The following VPS8 variants were observed in gnomAD, a reference collection of about 807,000 sequenced individuals.
VPS8 encodes the protein vacuolar protein sorting-associated protein 8 homolog.
In VPS8, 129 loss-of-function variants were observed where a neutral mutation model predicts 216.4. The ratio of observed to expected loss-of-function variants is 0.60; its 90% CI spans 0.52 to 0.69. The LOEUF is 0.69. VPS8 is among the 30% of genes least tolerant of loss of function. The pLI is 0.00. For missense variants in VPS8, 1,531 were observed against 1,683.5 expected (o/e 0.91, Z 1.59); for synonymous variants, 571 against 565.4 (o/e 1.01, Z -0.14).
intron 8 of VPS8, among the ~76,000 whole-genome samples, chr3:184,844,193 G>T (rs563862032): frequency 2.0e-5 from 3 of 152,164 alleles, no homozygotes; most frequent in Non-Finnish European, 2.9e-5. Context: ...TGGCCGAGGT[G>T]GGCAGATCAC....
Position 184,820,123 on chromosome 3 carries a change from A to G in VPS8, c.-88-4422A>G, listed in dbSNP as rs186324143. Among the ~76,000 whole-genome samples, 22 of 152,206 alleles carry G rather than the reference A, an allele frequency of 1.4e-4. No homozygotes were observed. In the South Asian group the frequency reaches 1.5e-3, roughly 10 times the overall value. ...AGGATCCACTGTCTATTCATTTCCT[A>G]TTGTTGCCGTAAATTACCGTAAAGT... On this transcript the variant is annotated intron_variant, in intron 1 of 47. Coordinates refer to ENST00000625842, the MANE Select transcript of VPS8 (RefSeq NM_001009921.3).
chr3:184,892,616 A>G (rs146360671), intron 22 of VPS8, among the ~76,000 whole-genome samples: 1 of 152,292 alleles, frequency 6.6e-6, no homozygotes, highest in East Asian at 1.9e-4. Context: ...AAAAAATTTT[A>G]TTTTAAGGTA....
chr3:184,817,952 G>A (rs1716693770), intron 1 of VPS8, among the ~76,000 whole-genome samples: 1 of 152,164 alleles, frequency 6.6e-6, no homozygotes, highest in African/African-American at 2.4e-5. Flanking sequence ...TGAATTCAGA[G>A]GATGGTTAGG....
chr3:184,985,182 T>C (rs1224730633), intron 42 of VPS8, among the ~76,000 whole-genome samples: 1 of 152,094 alleles, frequency 6.6e-6, no homozygotes, highest in East Asian at 1.9e-4. Flanking sequence ...CCCACAACAA[T>C]CCCTTGAGGT....
intron 8 of VPS8, among the ~76,000 whole-genome samples, chr3:184,846,106 G>C (rs1723074452): frequency 6.6e-6 from 1 of 152,194 alleles, no homozygotes; most frequent in Admixed American, 6.5e-5. Flanking sequence ...TACTGTAGTT[G>C]TAAGGCTTGT....
intron 37 of VPS8, 54 bp from the exon 38 acceptor site, chr3:184,964,414 C>A: frequency 8.6e-7 from 1 of 1,161,202 alleles, no homozygotes; most frequent in Non-Finnish European, 1.2e-6. Flanking sequence ...TGGGATCTTC[C>A]CACTCCACAA....
intron 36 of VPS8, chr3:184,944,462 C>G (rs1055946218): frequency 1.9e-5 from 19 of 980,512 alleles, no homozygotes; most frequent in Non-Finnish European, 2.2e-5. Context: ...TGAATTCTCA[C>G]AGGAGTTCTC....
Position 184,930,603 on chromosome 3 carries a change from G to A in VPS8, c.2898+35G>A, listed in dbSNP as rs773331685. 5.4e-6 allele frequency: 8 copies of A among 1,491,816 alleles called. 1 individual carries two copies. The highest frequency in any genetic ancestry group is 7.5e-6 in the Non-Finnish European group (8 of 1,070,138). 92.4% of individuals were successfully genotyped at this position (1,491,816 alleles called of 1,614,324 possible). A position where few individuals can be genotyped will look rare whatever the true frequency, so the allele number is the denominator to read the frequency against. On this transcript the variant is annotated intron_variant, in intron 34 of 47. Transcript: ENST00000625842. ...CGCAAAACTTCACACTTCACCATCT[G>A]AACGATCATCTAACCCAAGTTAACT...
rs148862348 is a variant in VPS8, at chr3:185,050,935, G to A, written c.4138-941G>A. Among the ~76,000 whole-genome samples the A allele has an allele frequency of 2.6e-3, 397 of 152,232 alleles. 3 individuals carry two copies. The highest frequency in any genetic ancestry group is 4.7e-3 in the Non-Finnish European group (321 of 68,022). ...TGTTATTAGGGACCATTTTGACCTG[G>A]GCTCTGAGTTCTCCTTCACATTAGC... On this transcript the variant is annotated intron_variant, in intron 47 of 47. Transcript: ENST00000625842.
intron 2 of VPS8, among the ~76,000 whole-genome samples, chr3:184,825,633 G>A (rs1718593236): frequency 6.6e-6 from 1 of 152,224 alleles, no homozygotes; most frequent in Non-Finnish European, 1.5e-5. Flanking sequence ...CGGGCGTGGT[G>A]GCTCACGCCT....
At chr3:185,007,361 T>C (rs1045815704) in intron 45 of VPS8, among the ~76,000 whole-genome samples, 1 of 152,212 alleles carries the variant, frequency 6.6e-6, no homozygotes, top group Non-Finnish European at 1.5e-5. Flanking sequence ...TACAATCAAA[T>C]AATTTAAATT....
At chr3:184,826,105 T>C in intron 2 of VPS8, 58 bp from the exon 3 acceptor site, 1 of 1,293,836 alleles carries the variant, frequency 7.7e-7, no homozygotes, top group Non-Finnish European at 1.1e-6. Context: ...CTAAAACCCC[T>C]CACAATTATA....
At chr3:185,031,083 T>G (rs1232810411) in intron 46 of VPS8, among the ~76,000 whole-genome samples, 3 of 148,944 alleles carry the variant, frequency 2.0e-5, no homozygotes, top group African/African-American at 5.0e-5. Context: ...TTTTTTTTTT[T>G]TTTTTTTTAA....
chr3:184,946,230 C>T (rs546681017), intron 36 of VPS8, among the ~76,000 whole-genome samples: 2 of 152,328 alleles, frequency 1.3e-5, no homozygotes, highest in East Asian at 3.9e-4. Context: ...TTCCCATAAT[C>T]CCAATCTTGT....
In VPS8 at chr3:184,949,609, T is replaced by G. The variant is rs1744294469; in HGVS notation, c.3036-7765T>G. Among the ~76,000 whole-genome samples the G allele has an allele frequency of 2.0e-5, 3 of 152,210 alleles. No homozygotes were observed. The South Asian group carries it at 6.2e-4, about 32-fold the overall frequency. ...TTCCTTCTTGCCAGAGGAAAGTTTC[T>G]GTCTCAGTCAATGCTTGTCAAGTTT... On this transcript the variant is annotated intron_variant, in intron 36 of 47. Coordinates refer to ENST00000625842, the MANE Select transcript of VPS8 (RefSeq NM_001009921.3).
intron 42 of VPS8, among the ~76,000 whole-genome samples, chr3:184,990,925 GTT>G (rs5855051): frequency 0.35 from 51,721 of 148,192 alleles, 9,361 homozygotes; most frequent in Middle Eastern, 0.54. Context: ...AAATTACACC[GTT>G]TTTTTTTTTT....
chr3:184,924,958 G>T lies in VPS8; in HGVS notation c.2551G>T (p.Val851Leu). 6.2e-7 allele frequency: 1 copy of T among 1,613,666 alleles called. No individual in the cohort carries two copies. The highest frequency in any genetic ancestry group is 1.1e-5 in the South Asian group (1 of 91,048). Residue 851 changes from valine to leucine, a missense_variant, in exon 30 of 48, where the codon GTA (valine) becomes TTA (leucine). Physicochemically the swap from Val to Leu is conservative, Grantham distance 32. Around this residue, in one of 3 missense-constraint regions of VPS8, gnomAD observed 1,318 missense variants for 1,468.4 expected, o/e 0.90. Transcript: ENST00000625842. ...TGCAAAGCCTGACAACACCTTGTTTGTAAACAGAACACTTTTTGATCAGGT... is the reference window on the plus strand; with the variant it reads ...TGCAAAGCCTGACAACACCTTGTTTTTAAACAGAACACTTTTTGATCAGGT... Reference protein sequence around the residue: ...QLAKPDNTLFVNRTLFDQVLE... With the variant: ...QLAKPDNTLFLNRTLFDQVLE...
At chr3:184,901,050 A>G in intron 25 of VPS8, 78 bp downstream of exon 25, 1 of 1,240,460 alleles carries the variant, frequency 8.1e-7, no homozygotes, top group Non-Finnish European at 1.2e-6. Flanking sequence ...TTGGCCAATT[A>G]TATGTGTGCA....
At chr3:185,023,782 T>G (rs1274173693) in intron 45 of VPS8, among the ~76,000 whole-genome samples, 1 of 152,248 alleles carries the variant, frequency 6.6e-6, no homozygotes, top group Admixed American at 6.5e-5. Context: ...CAGCATGTAG[T>G]CAGGTCTTTT....
Sources: allele counts gnomAD v4.1 joint callset (sites outside exome capture counted in the v4.1 genomes callset), GRCh38; gene constraint gnomAD v4.1.1; regional missense constraint gnomAD v4.1.1; transcripts MANE v1.5; gene names NCBI Gene and HGNC (gene_info 2026-07-23, HGNC 2026-07-21).